The following ACADM variants were observed in gnomAD, a reference collection of about 807,000 sequenced individuals.
ACADM encodes the protein medium-chain specific acyl-CoA dehydrogenase, mitochondrial.
ACADM carries 49 observed loss-of-function variants against 58.9 expected under a neutral mutation model. That is an observed-to-expected ratio of 0.83 (90% CI 0.66 to 1.06). ACADM has a LOEUF of 1.06. Among genes scored for constraint, ACADM ranks in the 50% least tolerant of loss-of-function variants. The probability of loss-of-function intolerance (pLI) is 0.00; values close to 1 mark genes in which losing one functional copy is unlikely to be tolerated. For missense variants in ACADM, 496 were observed against 507.0 expected (o/e 0.98, Z 0.21); for synonymous variants, 160 against 157.7 (o/e 1.01, Z -0.11).
chr1:75,762,600 C>A, intron 11 of ACADM, 92 bp from the exon 12 acceptor site: 1 of 828,988 alleles, frequency 1.2e-6, no homozygotes, highest in Non-Finnish European at 2.0e-6. Context: ...TTTTATATTA[C>A]AACACAGCTT....
rs2100408490 is a variant in ACADM at position 75,745,900 on chromosome 1, C to G, written c.694C>G (p.Gln232Glu). 6.2e-7 allele frequency: 1 copy of G among 1,610,204 alleles called. No individual in the cohort carries two copies. The highest frequency in any genetic ancestry group is 8.5e-7 in the Non-Finnish European group (1 of 1,176,662). ...TGTGGAAGCAGATACCCCAGGAATT[C>G]AGATTGGGAGAAAGGTAAAGTATTT... is the stretch of plus-strand genomic sequence containing the variant. ...FIVEADTPGI[Q>E]IGRKELNMGQ... is the part of the protein sequence containing the mutation. The change falls in exon 8 of 12, where the codon CAG (glutamine) becomes GAG (glutamate). Residue 232 changes from glutamine to glutamate, a missense_variant. By Grantham distance (29) the Gln-to-Glu change is conservative. Coordinates refer to ENST00000370841, the MANE Select transcript of ACADM (RefSeq NM_000016.6).
Position 75,734,811 on chromosome 1 carries a change from T to G in ACADM, c.408T>G (p.Ala136=). ...NSLGQMPIII[A]GNDQQKKKYL... is the part of the protein sequence containing the mutation. Reference sequence around the variant, plus strand: ...GGTAGCAAATGCCTATTATTATTGCTGGAAATGATCAACAAAAGAAGAAGT... The same window carrying G: ...GGTAGCAAATGCCTATTATTATTGCGGGAAATGATCAACAAAAGAAGAAGT... Residue 136 remains alanine, a synonymous_variant, in exon 6 of 12, where the codon GCT becomes GCG. Coordinates refer to ENST00000370841, the MANE Select transcript of ACADM (RefSeq NM_000016.6). 1 of 1,613,842 alleles carries G rather than the reference T, an allele frequency of 6.2e-7. No individual in the cohort carries two copies. The highest frequency in any genetic ancestry group is 8.5e-7 in the Non-Finnish European group (1 of 1,179,780).
chr1:75,761,852 T>A (rs1482306404), intron 11 of ACADM, among the ~76,000 whole-genome samples: 2 of 152,224 alleles, frequency 1.3e-5, no homozygotes, highest in Non-Finnish European at 1.5e-5. Context: ...AATATAAATG[T>A]GCATGTTCTC....
chr1:75,729,288 C>CTT (rs1387865195), intron 2 of ACADM, among the ~76,000 whole-genome samples: 23 of 52,928 alleles, frequency 4.3e-4, no homozygotes, highest in African/African-American at 1.2e-3. Context: ...TTCTTTCTTT[C>CTT]TTTTTTCTTT....
At chr1:75,752,406 C>T (rs563738857) in intron 10 of ACADM, among the ~76,000 whole-genome samples, 1 of 152,306 alleles carries the variant, frequency 6.6e-6, no homozygotes, top group South Asian at 2.1e-4. Flanking sequence ...TGCTTATTCT[C>T]ATCTTCTGTA....
In ACADM at chr1:75,740,098, GA is replaced by G. The variant is rs747463991; in HGVS notation, c.591del (p.Ala198LeufsTer41). On this transcript the variant is annotated frameshift_variant, in exon 7 of 12. Coordinates refer to ENST00000370841, the MANE Select transcript of ACADM (RefSeq NM_000016.6). LOFTEE classifies it high-confidence loss of function. ...CAGAAGATGTGGATAACCAACGGAG[GA>G]AAAGCTAATTGGTATGTTGTTCAAA... ...NGQKMWITNG[G>X]KANWYFLLAR... The G allele has an allele frequency of 6.2e-7, 1 of 1,611,470 alleles. No homozygotes were observed. Among genetic ancestry groups the G allele is most frequent in the South Asian group, 1.1e-5 (1 of 90,978 alleles).
At chr1:75,761,491 G>A in intron 11 of ACADM, 121 bp downstream of exon 11, 6 of 1,056,066 alleles carry the variant, frequency 5.7e-6, no homozygotes, top group Non-Finnish European at 8.6e-6. Flanking sequence ...TGTCATATAT[G>A]GCTGTGAGCC....
intron 2 of ACADM, among the ~76,000 whole-genome samples, chr1:75,732,095 T>A (rs1298567610): frequency 1.3e-5 from 2 of 151,764 alleles, no homozygotes; most frequent in African/African-American, 4.8e-5. Flanking sequence ...GAGGCTACAG[T>A]GAGTCGTAAT....
In ACADM at chr1:75,744,140, G is replaced by A. The variant is rs926859966; in HGVS notation, c.600-1666G>A. 8 of 1,579,126 alleles carry A rather than the reference G, an allele frequency of 5.1e-6. No homozygotes were observed. The South Asian group carries it at 6.6e-5, about 13-fold the overall frequency. On this transcript the variant is annotated intron_variant, in intron 7 of 11. Coordinates refer to ENST00000370841, the MANE Select transcript of ACADM (RefSeq NM_000016.6). The stretch of plus-strand genomic sequence containing the variant: ...TGAATGCAGACCTTTGCCAGCTCCT[G>A]GCTCAGCTAGTGGTGGGACAGCAGT...
chr1:75,736,693 T>C (rs989813747), intron 6 of ACADM, among the ~76,000 whole-genome samples: 1 of 152,212 alleles, frequency 6.6e-6, no homozygotes, highest in Non-Finnish European at 1.5e-5. Context: ...ATTCCAAAAT[T>C]CGTGGATGCC....
intron 10 of ACADM, among the ~76,000 whole-genome samples, chr1:75,759,973 T>C (rs1249196489): frequency 1.3e-5 from 2 of 151,804 alleles, no homozygotes; most frequent in African/African-American, 2.4e-5. Flanking sequence ...CAATTTCTTC[T>C]AGAAAGTCCC....
intron 7 of ACADM, chr1:75,743,332 A>G: frequency 2.7e-6 from 4 of 1,460,376 alleles, no homozygotes; most frequent in South Asian, 1.3e-5. Context: ...GCCTGTCACC[A>G]GGCTAACCTG....
intron 7 of ACADM, chr1:75,743,795 C>G: frequency 6.5e-7 from 1 of 1,537,700 alleles, no homozygotes; most frequent in Non-Finnish European, 9.0e-7. Flanking sequence ...ACTGGAACCA[C>G]CAGACCCTGT....
chr1:75,737,284 ATAT>A (rs1647310596), intron 6 of ACADM, among the ~76,000 whole-genome samples: 1 of 42,650 alleles, frequency 2.3e-5, no homozygotes, highest in African/African-American at 1.2e-4. Flanking sequence ...ACACAAATAT[ATAT>A]ATATATATAT....
intron 2 of ACADM, among the ~76,000 whole-genome samples, chr1:75,729,186 A>T (rs1186586034): frequency 7.2e-6 from 1 of 138,562 alleles, no homozygotes; most frequent in Non-Finnish European, 1.6e-5. Flanking sequence ...TATTTTTTTT[A>T]TTATTTGTTG....
At chr1:75,762,332 G>GA (rs1648899788) in intron 11 of ACADM, among the ~76,000 whole-genome samples, 1 of 151,898 alleles carries the variant, frequency 6.6e-6, no homozygotes, top group Admixed American at 6.6e-5. Context: ...ATAAAAGACT[G>GA]AAGGAGACAG....
At chr1:75,737,327 T>TATATATATATATAA (rs1491168235) in intron 6 of ACADM, among the ~76,000 whole-genome samples, 1 of 76,680 alleles carries the variant, frequency 1.3e-5, no homozygotes, top group African/African-American at 5.3e-5. Flanking sequence ...TATATATATA[T>TATATATATATATAA]GAAACCAAAA....
chr1:75,751,930 C>T (rs531060033), intron 10 of ACADM, among the ~76,000 whole-genome samples: 1 of 151,754 alleles, frequency 6.6e-6, no homozygotes, highest in African/African-American at 2.4e-5. Context: ...AATATTGATG[C>T]TCCCCCATTA....
intron 6 of ACADM, among the ~76,000 whole-genome samples, chr1:75,736,678 G>T (rs1444045596): frequency 2.6e-5 from 4 of 152,120 alleles, no homozygotes; most frequent in Admixed American, 2.6e-4. Context: ...TCCACAGTTG[G>T]TTAAATTCCA....
Sources: allele counts gnomAD v4.1 joint callset (sites outside exome capture counted in the v4.1 genomes callset), GRCh38; gene constraint gnomAD v4.1.1; transcripts MANE v1.5; gene names NCBI Gene and HGNC (gene_info 2026-07-23, HGNC 2026-07-21).